IRS1: variants seen among roughly 807,000 people sequenced by gnomAD.
IRS1 encodes insulin receptor substrate 1.
IRS1 carries 34 observed loss-of-function variants against 65.6 expected under a neutral mutation model. The observed-to-expected ratio is 0.52, with a 90% CI of 0.39 to 0.69. The LOEUF is 0.69. Ranked by LOEUF, IRS1 falls within the 30% of genes least tolerant of loss-of-function variation. The pLI is 0.00. For missense variants in IRS1, 1,641 were observed against 1,720.2 expected, an observed-to-expected ratio of 0.95 and a Z score of 0.81; for synonymous variants, 699 against 683.5, an observed-to-expected ratio of 1.02 and a Z score of -0.35.
intron 1 of IRS1, among the ~76,000 whole-genome samples, chr2:226,790,356 GC>G (rs1172475628): frequency 6.6e-6 from 1 of 151,352 alleles, no homozygotes; most frequent in Non-Finnish European, 1.5e-5. Flanking sequence ...AAGGTGGCAT[GC>G]CCTTTGGATC....
At chr2:226,777,631 G>A (rs1162463955) in intron 1 of IRS1, among the ~76,000 whole-genome samples, 2 of 152,142 alleles carry the variant, frequency 1.3e-5, no homozygotes, top group East Asian at 3.8e-4. Flanking sequence ...TTGAATCATG[G>A]GGCGGGTCTT....
At chr2:226,766,161 ATATTT>A (rs1371059959) in intron 1 of IRS1, among the ~76,000 whole-genome samples, 3 of 5,454 alleles carry the variant, frequency 5.5e-4, no homozygotes, top group African/African-American at 1.4e-3. Context: ...ATATATATAT[ATATTT>A]TTTTTTTTTT....
chr2:226,794,533 T>A lies in IRS1; in HGVS notation c.*21+456A>T. On this transcript the variant is annotated intron_variant, in intron 1 of 1. Coordinates refer to ENST00000305123, the MANE Select transcript of IRS1 (RefSeq NM_005544.3). This position sits in a 1 kb window ranked among gnomAD's most constrained non-coding sequence, Gnocchi z 4.1. ...AAGTACAGAGAACAACTTGATAAGA[T>A]CACCCTTAAGGGCTCCCAGAAACTA... Among the ~76,000 whole-genome samples the A allele has an allele frequency of 6.6e-6, 1 of 152,180 alleles. No homozygotes were observed. Among genetic ancestry groups the A allele is most frequent in the Middle Eastern group, 3.2e-3 (1 of 316 alleles).
chr2:226,798,437 G>T lies in IRS1; in HGVS notation c.302C>A (p.Ala101Asp). 1 of 1,614,108 alleles carries T rather than the reference G, an allele frequency of 6.2e-7. No individual in the cohort carries two copies. The highest frequency in any genetic ancestry group is 1.3e-5 in the African/African-American group (1 of 75,062). ...EHFAIAADSE[A>D]EQDSWYQALL... ...AGCCTGGTACCAGCTGTCTTGCTCG[G>T]CCTCGCTGTCCGCCGCGATGGCAAA... The change falls in exon 1 of 2, where the codon GCC becomes GAC. Residue 101 changes from alanine (A) to aspartate (D), a missense_variant. Around this residue, in one of 3 missense-constraint regions of IRS1, gnomAD observed 240 missense variants for 229.6 expected, o/e 1.05. Coordinates refer to ENST00000305123, the MANE Select transcript of IRS1 (RefSeq NM_005544.3). The surrounding 1 kb of genome is among the most constrained non-coding windows in gnomAD (Gnocchi z 9.4).
At chr2:226,768,177 A>G (rs1322006086) in intron 1 of IRS1, among the ~76,000 whole-genome samples, 3 of 152,172 alleles carry the variant, frequency 2.0e-5, no homozygotes, top group African/African-American at 7.2e-5. Flanking sequence ...ATGTTTGCTC[A>G]GTCACTGCCT....
chr2:226,750,241 C>T (rs1438849888), intron 1 of IRS1, among the ~76,000 whole-genome samples: 3 of 134,924 alleles, frequency 2.2e-5, no homozygotes, highest in African/African-American at 5.9e-5. Flanking sequence ...AAGAGCGAAA[C>T]TCTGTCTCAA....
rs1381836939 is a variant in IRS1, at chr2:226,734,074, ATTGAT to A, written c.*2193_*2197del. On this transcript the variant is annotated 3_prime_UTR_variant, in exon 2 of 2. Transcript: ENST00000305123. ...AAAATGGTTGGGAGTGACTTTGTTC[ATTGAT>A]TTCTCTTTAACTATTTCAGTCCTCA... 6.6e-6 allele frequency: 1 copy of A among 152,206 alleles called. No individual in the cohort carries two copies. Among genetic ancestry groups the A allele is most frequent in the Non-Finnish European group, 1.5e-5 (1 of 68,018 alleles). The allele number at this position is 152,206 out of a possible 1,614,324, so 9.4% of individuals were successfully genotyped here.
At chr2:226,790,246 G>T (rs1939563708) in intron 1 of IRS1, among the ~76,000 whole-genome samples, 1 of 151,988 alleles carries the variant, frequency 6.6e-6, no homozygotes, top group South Asian at 2.1e-4. Context: ...AGGCTGTGTT[G>T]GAGCCCAAGA....
intron 1 of IRS1, among the ~76,000 whole-genome samples, chr2:226,749,160 A>AAACTGCCT (rs1453882651): frequency 7.2e-5 from 11 of 152,280 alleles, no homozygotes; most frequent in Admixed American, 3.3e-4. Context: ...TTCTCCTCAA[A>AAACTGCCT]AACTGCCTGA....
chr2:226,799,263 CCCTCCTCCTTCG>C lies in IRS1; in HGVS notation c.-537_-526del. 1 of 1,151,676 alleles carries C rather than the reference CCCTCCTCCTTCG, an allele frequency of 8.7e-7. No individual in the cohort carries two copies. 71.3% of individuals were successfully genotyped at this position (1,151,676 alleles called of 1,614,324 possible). ...AAGTCCCAACGTTGCACGGGGTTCT[CCCTCCTCCTTCG>C]CCTCCTCCCACCCCCCAACCGTCCC... On this transcript the variant is annotated 5_prime_UTR_variant, in exon 1 of 2. Transcript: ENST00000305123. This position sits in a 1 kb window ranked among gnomAD's most constrained non-coding sequence, Gnocchi z 6.1.
At chr2:226,760,202 A>G (rs1938888773) in intron 1 of IRS1, among the ~76,000 whole-genome samples, 1 of 152,228 alleles carries the variant, frequency 6.6e-6, no homozygotes, top group African/African-American at 2.4e-5. Context: ...AATAATGCAT[A>G]TAGAATAAGT....
In IRS1 at chr2:226,795,616, A is replaced by G; in HGVS notation, c.3123T>C (p.Ser1041=). The G allele has an allele frequency of 6.2e-7, 1 of 1,612,648 alleles. No individual in the cohort carries two copies. The highest frequency in any genetic ancestry group is 8.5e-7 in the Non-Finnish European group (1 of 1,179,786). The stretch of plus-strand genomic sequence containing the variant: ...CCCCTTGAGGCCCAGTCGGGGAAGC[A>G]GAGGCTGCTGAGGATGAGGAGGCAG... ...MAAASSSSAA[S]ASPTGPQGAA... is the part of the protein sequence containing the mutation. Residue 1041 remains serine (S), a synonymous_variant, in exon 1 of 2, where the codon TCT becomes TCC. Coordinates refer to ENST00000305123, the MANE Select transcript of IRS1 (RefSeq NM_005544.3).
chr2:226,762,357 C>CA (rs67318812), intron 1 of IRS1, among the ~76,000 whole-genome samples: 7,608 of 119,714 alleles, frequency 0.064, 460 homozygotes, highest in African/African-American at 0.21. Context: ...CATAAAAATG[C>CA]AAAAAAAAAA....
At chr2:226,783,625 C>G (rs974744124) in intron 1 of IRS1, among the ~76,000 whole-genome samples, 3 of 152,168 alleles carry the variant, frequency 2.0e-5, no homozygotes, top group African/African-American at 7.2e-5. Context: ...TAGAAGTGTT[C>G]ACTATAAACA....
At chr2:226,761,691 C>G (rs1938916307) in intron 1 of IRS1, among the ~76,000 whole-genome samples, 1 of 152,136 alleles carries the variant, frequency 6.6e-6, no homozygotes, top group African/African-American at 2.4e-5. Context: ...AAAATTTGAG[C>G]AGAACTAGAA....
intron 1 of IRS1, among the ~76,000 whole-genome samples, chr2:226,786,413 G>T (rs1939487864): frequency 6.6e-6 from 1 of 152,004 alleles, no homozygotes; most frequent in African/African-American, 2.4e-5. Context: ...GTGATACAAG[G>T]TGTATTATCT....
chr2:226,735,475 T>C lies in IRS1; in HGVS notation c.*797A>G, dbSNP rs985471748. On this transcript the variant is annotated 3_prime_UTR_variant, in exon 2 of 2. Coordinates refer to ENST00000305123, the MANE Select transcript of IRS1 (RefSeq NM_005544.3). ...TCTTCAGTTTAATTAACATGGCCTA[T>C]TGTCTTACAGGAAAAAATACAAAAT... The C allele has an allele frequency of 3.3e-5, 5 of 152,428 alleles. No homozygotes were observed. The highest frequency in any genetic ancestry group is 9.6e-5 in the African/African-American group (4 of 41,470). The allele number at this position is 152,428 out of a possible 1,614,324, so 9.4% of individuals were successfully genotyped here.
intron 1 of IRS1, among the ~76,000 whole-genome samples, chr2:226,751,070 A>C (rs1658222829): frequency 6.6e-6 from 1 of 152,146 alleles, no homozygotes; most frequent in South Asian, 2.1e-4. Flanking sequence ...CTGCAGGGTG[A>C]ATGGGCTTTG....
chr2:226,799,746 C>G lies in IRS1; in HGVS notation c.-1008G>C. ...TCTGGCTCTGCGCGCCGGCCCCCTC[C>G]GACCGCGCCGCCGTCTCACTCGGAG... On this transcript the variant is annotated 5_prime_UTR_variant, in exon 1 of 2. Transcript: ENST00000305123. This position sits in a 1 kb window ranked among gnomAD's most constrained non-coding sequence, Gnocchi z 6.1. 1.0e-6 allele frequency: 1 copy of G among 999,032 alleles called. No homozygotes were observed. The allele number at this position is 999,032 out of a possible 1,614,324, so 61.9% of individuals were successfully genotyped here.
Sources: gnomAD v4.1 joint callset for allele counts (sites outside exome capture counted in the v4.1 genomes callset) on GRCh38, gnomAD v4.1.1 for gene constraint, gnomAD v4.1.1 regional missense constraint, Gnocchi (gnomAD v3.1) non-coding constraint, MANE v1.5 for transcripts, NCBI Gene and HGNC (gene_info 2026-07-23, HGNC 2026-07-21) for gene names.